Variants in CSF1R observed in about 807,000 individuals in gnomAD.
The protein encoded by CSF1R is colony stimulating factor 1 receptor, also known as macrophage colony-stimulating factor 1 receptor.
CSF1R carries 40 observed loss-of-function variants against 110.0 expected under a neutral mutation model. That is an observed-to-expected ratio of 0.36 (90% confidence interval 0.28 to 0.47). The LOEUF is 0.47. Among genes scored for constraint, CSF1R ranks in the 20% least tolerant of loss-of-function variants. CSF1R has a pLI of 0.99. For missense variants in CSF1R, 1,052 were observed against 1,253.0 expected, an observed-to-expected ratio of 0.84 and a Z score of 2.42; for synonymous variants, 523 against 503.4, an observed-to-expected ratio of 1.04 and a Z score of -0.52.
intron 14 of CSF1R, among the ~76,000 whole-genome samples, chr5:150,058,648 C>G (rs971053331): frequency 3.9e-5 from 6 of 152,180 alleles, no homozygotes; most frequent in Non-Finnish European, 8.8e-5. Flanking sequence ...GTGCCACCCT[C>G]ATAGAAGTGT....
chr5:150,084,386 AGAAAGAAGGAAG>A (rs1214781205), intron 1 of CSF1R, among the ~76,000 whole-genome samples: 1,078 of 44,508 alleles, frequency 0.024, 3 homozygotes, highest in African/African-American at 0.037. Flanking sequence ...AAAGAAAGAA[AGAAAGAAGGAAG>A]GAAGGAAGGA....
At chr5:150,105,073 G>A (rs1400502728) in intron 1 of CSF1R, among the ~76,000 whole-genome samples, 2 of 151,594 alleles carry the variant, frequency 1.3e-5, no homozygotes, top group East Asian at 3.9e-4. Flanking sequence ...CAGAGGCTGG[G>A]TGCAGTGGCT....
At chr5:150,069,821 AG>A in intron 9 of CSF1R, 51 bp downstream of exon 9, 1 of 1,146,338 alleles carries the variant, frequency 8.7e-7, no homozygotes. Flanking sequence ...CTAAAGGAGC[AG>A]GGGCGGGGGG....
chr5:150,079,890 C>T lies in CSF1R; in HGVS notation c.592+162G>A, dbSNP rs533975215. Among the ~76,000 whole-genome samples, 4 of 152,356 alleles carry T rather than the reference C, an allele frequency of 2.6e-5. No individual in the cohort carries two copies. The South Asian group carries it at 8.3e-4, about 32-fold the overall frequency. ...TCCCTGCCCCGACACCTTGTCAGTCCTGCCCCATAGATGATCGTGGAACCA... is the reference window on the plus strand; with the variant it reads ...TCCCTGCCCCGACACCTTGTCAGTCTTGCCCCATAGATGATCGTGGAACCA... On this transcript the variant is annotated intron_variant, in intron 3 of 20. Coordinates refer to ENST00000675795, the MANE Select transcript of CSF1R (RefSeq NM_001288705.3).
chr5:150,054,632 T>A, intron 19 of CSF1R: 1 of 529,524 alleles, frequency 1.9e-6, no homozygotes. Context: ...CTCATCACCC[T>A]CATTCTGACA....
chr5:150,081,720 G>C (rs971389341), intron 1 of CSF1R, among the ~76,000 whole-genome samples: 3 of 152,202 alleles, frequency 2.0e-5, no homozygotes, highest in Admixed American at 6.5e-5. Context: ...GTAAGAGTTA[G>C]TCACTATGTT....
In CSF1R at chr5:150,080,757, G is replaced by C. The variant is rs2113832782; in HGVS notation, c.307+10C>G. ...GTCAGGCCTCTTGGGAGGAGGCTCA[G>C]ACTCCTCACCTTTGACATAGAGGTG... On this transcript the variant is annotated intron_variant, in intron 2 of 20. Coordinates refer to ENST00000675795, the MANE Select transcript of CSF1R (RefSeq NM_001288705.3). 13 of 1,613,990 alleles carry C rather than the reference G, an allele frequency of 8.1e-6. No individual in the cohort carries two copies. The highest frequency in any genetic ancestry group is 1.1e-5 in the Non-Finnish European group (13 of 1,179,924).
chr5:150,075,951 T>C (rs1758241773), intron 5 of CSF1R, among the ~76,000 whole-genome samples: 1 of 152,250 alleles, frequency 6.6e-6, no homozygotes, highest in Non-Finnish European at 1.5e-5. Context: ...GTGATGCTCA[T>C]GATTCTCATG....
upstream of CSF1R, among the ~76,000 whole-genome samples, chr5:150,090,433 T>C (rs1759003112): frequency 6.6e-6 from 1 of 152,164 alleles, no homozygotes; most frequent in Admixed American, 6.5e-5. Context: ...TGCTGCTCCT[T>C]TATAGTAAAG....
chr5:150,064,584 A>G (rs216143), intron 10 of CSF1R, among the ~76,000 whole-genome samples: 125,405 of 152,166 alleles, frequency 0.82, 52,187 homozygotes, highest in African/African-American at 0.95. Flanking sequence ...GCAACAAGGC[A>G]AGGAGGGGAT....
chr5:150,078,372 C>T, intron 3 of CSF1R, 124 bp from the exon 4 acceptor site: 1 of 1,261,494 alleles, frequency 7.9e-7, no homozygotes, highest in African/African-American at 1.5e-5. Flanking sequence ...CATCCCAAAT[C>T]CTGGGAGGCA....
chr5:150,082,484 T>G (rs1758596717), intron 1 of CSF1R, among the ~76,000 whole-genome samples: 1 of 152,230 alleles, frequency 6.6e-6, no homozygotes, highest in Non-Finnish European at 1.5e-5. Context: ...GCCTGCCACC[T>G]GGGGTTGTAG....
At chr5:150,063,269 A>G (rs1337496432) in intron 10 of CSF1R, among the ~76,000 whole-genome samples, 1 of 152,068 alleles carries the variant, frequency 6.6e-6, no homozygotes, top group Non-Finnish European at 1.5e-5. Context: ...GGTCTCTCAA[A>G]GTGCTGGGAT....
chr5:150,100,302 TTTTTTTTTTTTC>T (rs1253002720), intron 1 of CSF1R, among the ~76,000 whole-genome samples: 2 of 132,438 alleles, frequency 1.5e-5, no homozygotes, highest in Non-Finnish European at 3.3e-5. Context: ...TTTTTTTTTT[TTTTTTTTTTTTC>T]TGAGACGGAG....
intron 13 of CSF1R, among the ~76,000 whole-genome samples, chr5:150,060,279 A>T (rs1349942458): frequency 6.6e-6 from 1 of 151,442 alleles, no homozygotes; most frequent in Non-Finnish European, 1.5e-5. Context: ...GTGAGCCGAG[A>T]TCGCACCACT....
chr5:150,108,325 T>C (rs900477513), intron 1 of CSF1R, among the ~76,000 whole-genome samples: 5 of 151,960 alleles, frequency 3.3e-5, no homozygotes, highest in African/African-American at 1.2e-4. Context: ...TATAAAAGAC[T>C]GGGCATTCTA....
Position 150,070,963 on chromosome 5 carries a change from A to G in CSF1R, c.1083-392T>C, listed in dbSNP as rs145306163. On this transcript the variant is annotated intron_variant, in intron 6 of 20. Coordinates refer to ENST00000675795, the MANE Select transcript of CSF1R (RefSeq NM_001288705.3). ...AGGGACTGAGAAAGAGACAAGAGGC[A>G]GGATGTAGGGCCCTGGGTTCTGAGC... is the stretch of plus-strand genomic sequence containing the variant. 1.1e-4 allele frequency among the ~76,000 whole-genome samples: 16 copies of G among 152,334 alleles called. No homozygotes were observed. The South Asian group carries it at 2.5e-3, about 24-fold the overall frequency.
At chr5:150,084,380 AAAGAAAGAAAGAAGG>A (rs1758717242) in intron 1 of CSF1R, among the ~76,000 whole-genome samples, 1 of 49,850 alleles carries the variant, frequency 2.0e-5, no homozygotes, top group Non-Finnish European at 3.8e-5. Flanking sequence ...AGAAAGAAAG[AAAGAAAGAAAGAAGG>A]AAGGAAGGAA....
chr5:150,085,290 A>AAAAAAAAAAAC (rs1758792087), intron 1 of CSF1R, among the ~76,000 whole-genome samples: 1 of 150,744 alleles, frequency 6.6e-6, no homozygotes, highest in Admixed American at 6.6e-5. Context: ...AAAAAAAAAA[A>AAAAAAAAAAAC]AAACCCAAAT....
Sources: gnomAD v4.1 joint callset for allele counts (sites outside exome capture counted in the v4.1 genomes callset) on GRCh38, gnomAD v4.1.1 for gene constraint, MANE v1.5 for transcripts, NCBI Gene and HGNC (gene_info 2026-07-23, HGNC 2026-07-21) for gene names.